Variants in PAH observed in about 807,000 individuals in gnomAD.
PAH encodes the protein phenylalanine hydroxylase, also known as phenylalanine-4-hydroxylase.
PAH carries 64 observed loss-of-function variants against 62.0 expected under a neutral mutation model. The ratio of observed to expected loss-of-function variants is 1.03; its 90% confidence interval spans 0.84 to 1.27. The LOEUF is 1.27. Among genes scored for constraint, PAH ranks in the 50% most tolerant of loss-of-function variants. The pLI is 0.00. For missense variants in PAH, 579 were observed against 542.8 expected (o/e 1.07, Z -0.66); for synonymous variants, 195 against 196.2 (o/e 0.99, Z 0.05).
chr12:102,865,011 C>A lies in PAH; in HGVS notation c.509+1585G>T, dbSNP rs1249548905. Among the ~76,000 whole-genome samples the A allele has an allele frequency of 2.0e-5, 3 of 152,258 alleles. No individual in the cohort carries two copies. The East Asian group carries it at 5.8e-4, about 29-fold the overall frequency. On this transcript the variant is annotated intron_variant, in intron 5 of 12. Coordinates refer to ENST00000553106, the MANE Select transcript of PAH (RefSeq NM_000277.3). ...ATCAGTTAGTTAATCATGTGGGATT[C>A]ATCTATAAAAGGTGAGAAATTGACT...
intron 1 of PAH, among the ~76,000 whole-genome samples, chr12:102,942,921 T>A (rs1305356131): frequency 1.3e-5 from 2 of 152,054 alleles, no homozygotes; most frequent in African/African-American, 4.8e-5. Flanking sequence ...CAACTCAAGA[T>A]GATTAAAAGA....
At chr12:102,910,123 T>C (rs1739628379) in intron 2 of PAH, among the ~76,000 whole-genome samples, 1 of 152,198 alleles carries the variant, frequency 6.6e-6, no homozygotes, top group Admixed American at 6.5e-5. Flanking sequence ...TAAACATGAC[T>C]GAGACAAGGT....
At chr12:102,874,078 T>C (rs1335103538) in intron 4 of PAH, among the ~76,000 whole-genome samples, 1 of 152,192 alleles carries the variant, frequency 6.6e-6, no homozygotes, top group East Asian at 1.9e-4. Flanking sequence ...TTGCCATCTC[T>C]GAGATAGTAA....
At chr12:102,886,871 G>A (rs1877063155) in intron 3 of PAH, among the ~76,000 whole-genome samples, 1 of 151,960 alleles carries the variant, frequency 6.6e-6, no homozygotes, top group Non-Finnish European at 1.5e-5. Context: ...ACACCGAGTG[G>A]GCACTCAATC....
intron 1 of PAH, among the ~76,000 whole-genome samples, chr12:102,932,827 T>C (rs144327797): frequency 1.1e-3 from 168 of 150,868 alleles, no homozygotes; most frequent in Middle Eastern, 6.9e-3. Context: ...TTTTAGTTGT[T>C]GTGAGTATGT....
intron 1 of PAH, among the ~76,000 whole-genome samples, chr12:102,929,065 C>T (rs541096757): frequency 6.6e-6 from 1 of 152,084 alleles, no homozygotes; most frequent in Non-Finnish European, 1.5e-5. Context: ...TTCTCTTTTG[C>T]TCGGCACTTT....
At chr12:102,918,233 A>G (rs1440050199), upstream of PAH, among the ~76,000 whole-genome samples, 1 of 152,218 alleles carries the variant, frequency 6.6e-6, no homozygotes, top group Non-Finnish European at 1.5e-5. Context: ...AGGGTGAGGC[A>G]TTACTGACCA....
intron 11 of PAH, 64 bp from the exon 12 acceptor site, chr12:102,840,579 T>A: frequency 9.0e-7 from 1 of 1,108,544 alleles, no homozygotes; most frequent in Non-Finnish European, 1.4e-6. Flanking sequence ...CTTAAGAGAG[T>A]TCTCAGTGGC....
intron 3 of PAH, among the ~76,000 whole-genome samples, chr12:102,885,441 G>C (rs1159969881): frequency 6.6e-6 from 1 of 152,180 alleles, no homozygotes; most frequent in South Asian, 2.1e-4. Flanking sequence ...CCTCTCCGGC[G>C]GGCGGCTGGG....
intron 3 of PAH, among the ~76,000 whole-genome samples, chr12:102,890,244 G>T (rs1386292679): frequency 6.6e-6 from 1 of 152,194 alleles, no homozygotes; most frequent in Non-Finnish European, 1.5e-5. Context: ...TGAACCTGCT[G>T]TCAGACTCGC....
intron 2 of PAH, among the ~76,000 whole-genome samples, chr12:102,907,911 C>A (rs1009443942): frequency 1.3e-5 from 2 of 152,118 alleles, no homozygotes; most frequent in Non-Finnish European, 2.9e-5. Context: ...AGCCACCATG[C>A]CCAGCCTTAA....
intron 3 of PAH, among the ~76,000 whole-genome samples, chr12:102,888,361 A>G (rs1398464950): frequency 6.6e-6 from 1 of 152,042 alleles, no homozygotes; most frequent in African/African-American, 2.4e-5. Flanking sequence ...GAAAACAAGA[A>G]TAATACTATG....
intron 3 of PAH, among the ~76,000 whole-genome samples, chr12:102,885,337 G>A (rs533882630): frequency 6.6e-6 from 1 of 152,310 alleles, no homozygotes; most frequent in Non-Finnish European, 1.5e-5. Context: ...CAGCGACCCA[G>A]GCCTCCGTTT....
At chr12:102,879,506 T>G (rs1876728755) in intron 3 of PAH, among the ~76,000 whole-genome samples, 2 of 151,812 alleles carry the variant, frequency 1.3e-5, no homozygotes, top group African/African-American at 4.8e-5. Flanking sequence ...TAAAGGTCCA[T>G]TTAGACCCTT....
At chr12:102,940,645 G>A (rs1288913585) in intron 1 of PAH, among the ~76,000 whole-genome samples, 1 of 152,104 alleles carries the variant, frequency 6.6e-6, no homozygotes, top group Non-Finnish European at 1.5e-5. Flanking sequence ...TTTAAAATAA[G>A]CAAAACCTCT....
At chr12:102,846,760 G>A (rs1032911183) in intron 9 of PAH, 135 bp downstream of exon 9, 1 of 727,310 alleles carries the variant, frequency 1.4e-6, no homozygotes, top group Non-Finnish European at 2.5e-6. Flanking sequence ...AGTTTCACTT[G>A]TGCAAATGTA....
chr12:102,871,791 G>A (rs913701836), intron 4 of PAH, among the ~76,000 whole-genome samples: 10 of 151,748 alleles, frequency 6.6e-5, no homozygotes, highest in Admixed American at 4.6e-4. Context: ...GCGTGGTGGC[G>A]CATGCCTGTA....
intron 1 of PAH, among the ~76,000 whole-genome samples, chr12:102,914,922 C>T (rs896216990): frequency 2.0e-5 from 3 of 152,200 alleles, no homozygotes; most frequent in African/African-American, 7.2e-5. Flanking sequence ...CTGCCATCAC[C>T]TGAATCCATT....
At position 102,837,783 on chromosome 12, in the gene PAH, T is replaced by C. The variant is rs1377052395; in HGVS notation, c.*1392A>G. The C allele has an allele frequency of 6.6e-6, 1 of 152,228 alleles. No homozygotes were observed. Among genetic ancestry groups the C allele is most frequent in the East Asian group, 1.9e-4 (1 of 5,196 alleles). The allele number at this position is 152,228 out of a possible 1,614,324, so 9.4% of individuals were successfully genotyped here. A position where few individuals can be genotyped will look rare whatever the true frequency, so the allele number is the denominator to read the frequency against. The stretch of plus-strand genomic sequence containing the variant: ...AAACAGCTTATCCACATTGACATCA[T>C]TGGCAGTGGCAGACTGACCACCACA... On this transcript the variant is annotated 3_prime_UTR_variant, in exon 13 of 13. Coordinates refer to ENST00000553106, the MANE Select transcript of PAH (RefSeq NM_000277.3).
Sources: gnomAD v4.1 joint callset for allele counts (sites outside exome capture counted in the v4.1 genomes callset) on GRCh38, gnomAD v4.1.1 for gene constraint, MANE v1.5 for transcripts, NCBI Gene and HGNC (gene_info 2026-07-23, HGNC 2026-07-21) for gene names.